The following TNNI3K variants were observed in gnomAD, a reference collection of about 807,000 sequenced individuals.
TNNI3K encodes the protein TNNI3 interacting kinase.
Under a neutral mutation model 114.5 loss-of-function variants are expected in TNNI3K, and 140 were observed. The observed-to-expected ratio is 1.22, with a 90% CI of 1.07 to 1.41. The LOEUF is 1.41. Among genes scored for constraint, TNNI3K ranks in the 40% most tolerant of loss-of-function variants. The probability of loss-of-function intolerance (pLI) is 0.00; values close to 1 mark genes in which losing one functional copy is unlikely to be tolerated. For synonymous variants in TNNI3K, 347 were observed against 347.5 expected, an observed-to-expected ratio of 1.00 and a Z score of 0.02; for missense variants, 1,125 against 1,007.6, an observed-to-expected ratio of 1.12 and a Z score of -1.58.
At chr1:74,479,168 C>T (rs552218777) in intron 21 of TNNI3K, among the ~76,000 whole-genome samples, 1 of 152,250 alleles carries the variant, frequency 6.6e-6, no homozygotes, top group East Asian at 1.9e-4. Context: ...CTCTCCCCAC[C>T]CCCTCATCAC....
chr1:74,338,095 G>A (rs1023434843), intron 7 of TNNI3K, among the ~76,000 whole-genome samples: 5 of 151,810 alleles, frequency 3.3e-5, no homozygotes, highest in East Asian at 1.9e-4. Context: ...TTGATAAATC[G>A]AAAGGTAATA....
chr1:74,264,767 T>C lies in TNNI3K; in HGVS notation c.334-6831T>C, dbSNP rs535265973. 5.9e-5 allele frequency among the ~76,000 whole-genome samples: 9 copies of C among 152,104 alleles called. No homozygotes were observed. The South Asian group carries it at 1.7e-3, about 28-fold the overall frequency. ...TGGAAGTATTTTATGACTAAACATC[T>C]CTTGGGACAGAGTGGACTAAATCAT... On this transcript the variant is annotated intron_variant, in intron 4 of 24. Coordinates refer to ENST00000326637, the MANE Select transcript of TNNI3K (RefSeq NM_015978.3).
intron 23 of TNNI3K, among the ~76,000 whole-genome samples, chr1:74,506,397 A>G (rs2100361110): frequency 6.6e-6 from 1 of 152,356 alleles, no homozygotes; most frequent in South Asian, 2.1e-4. Flanking sequence ...CAGCAGGGCC[A>G]AGATTTGAGC....
rs777732645 is a variant in TNNI3K at position 74,369,100 on chromosome 1, A to G, written c.1400A>G (p.Glu467Gly). The G allele has an allele frequency of 9.9e-6, 16 of 1,609,854 alleles. No individual in the cohort carries two copies. The African/African-American group carries it at 2.0e-4, about 20-fold the overall frequency. The change falls in exon 14 of 25, where the codon GAG becomes GGG. Residue 467 changes from glutamate (E) to glycine (G), a missense_variant. Physicochemically the swap from Glu to Gly is moderately conservative, Grantham distance 98 (BLOSUM62 -2). Transcript: ENST00000326637. ...HLQLSEIEFH[E>G]IIGSGSFGKV... ...CAGCTCTCAGAAATTGAGTTCCATG[A>G]GATTATTGGCTCAGGTAACCTAAAA...
At chr1:74,355,785 T>A (rs1661622513) in intron 11 of TNNI3K, among the ~76,000 whole-genome samples, 1 of 151,880 alleles carries the variant, frequency 6.6e-6, no homozygotes, top group Non-Finnish European at 1.5e-5. Context: ...AGTAGAAAAA[T>A]GATGTGGGAG....
chr1:74,428,684 C>G (rs1665750041), intron 17 of TNNI3K, among the ~76,000 whole-genome samples: 3 of 152,066 alleles, frequency 2.0e-5, no homozygotes, highest in Non-Finnish European at 4.4e-5. Context: ...CCTGTAATCC[C>G]AGTGCTCTGA....
intron 5 of TNNI3K, among the ~76,000 whole-genome samples, chr1:74,328,643 C>A (rs1030511195): frequency 6.6e-6 from 1 of 152,222 alleles, no homozygotes; most frequent in South Asian, 2.1e-4. Flanking sequence ...CATTTTGACA[C>A]TTTCTCAGAA....
chr1:74,350,562 G>A (rs1160482936), intron 9 of TNNI3K, among the ~76,000 whole-genome samples: 2 of 152,064 alleles, frequency 1.3e-5, no homozygotes, highest in Admixed American at 6.5e-5. Context: ...AATGTTGAGT[G>A]GGGTGTTAAA....
chr1:74,266,284 T>C (rs112896784), intron 4 of TNNI3K, among the ~76,000 whole-genome samples: 2 of 152,146 alleles, frequency 1.3e-5, no homozygotes, highest in African/African-American at 2.4e-5. Flanking sequence ...AGAGCCTTCA[T>C]GTGCGATGTA....
At chr1:74,517,833 T>C (rs1646371025) in intron 23 of TNNI3K, among the ~76,000 whole-genome samples, 2 of 152,190 alleles carry the variant, frequency 1.3e-5, no homozygotes, top group African/African-American at 4.8e-5. Context: ...CAAAAACTGC[T>C]GGGCCCACTA....
chr1:74,436,541 G>C lies in TNNI3K; in HGVS notation c.1878+15G>C. 1.3e-6 allele frequency: 2 copies of C among 1,581,750 alleles called. No homozygotes were observed. Among genetic ancestry groups the C allele is most frequent in the Non-Finnish European group, 1.7e-6 (2 of 1,171,046 alleles). On this transcript the variant is annotated intron_variant, in intron 19 of 24. Transcript: ENST00000326637. ...AACAACCTGGGGTTTGCTGCTGCTT[G>C]TGTTTCCTATAATTATAAACCAATT...
intron 5 of TNNI3K, among the ~76,000 whole-genome samples, chr1:74,280,404 A>G (rs1656943299): frequency 6.6e-6 from 1 of 152,004 alleles, no homozygotes; most frequent in South Asian, 2.1e-4. Flanking sequence ...AAATAAAATA[A>G]AAAAGGAAAG....
chr1:74,298,606 G>T (rs1265450825), intron 5 of TNNI3K, among the ~76,000 whole-genome samples: 1 of 152,182 alleles, frequency 6.6e-6, no homozygotes, highest in East Asian at 1.9e-4. Context: ...ATCTTCTGCT[G>T]TAGGTTTTTC....
intron 17 of TNNI3K, chr1:74,371,349 G>A (rs1425954514): frequency 6.6e-6 from 1 of 151,750 alleles, no homozygotes; most frequent in Non-Finnish European, 1.5e-5. Flanking sequence ...TACATTCAGG[G>A]AGTTTTCACA....
intron 21 of TNNI3K, among the ~76,000 whole-genome samples, chr1:74,486,626 T>C (rs940018612): frequency 1.3e-5 from 2 of 151,724 alleles, no homozygotes; most frequent in African/African-American, 4.8e-5. Flanking sequence ...AGTACTGGGC[T>C]AGAGATAATA....
intron 9 of TNNI3K, 143 bp downstream of exon 9, chr1:74,343,322 C>A: frequency 2.2e-6 from 2 of 911,498 alleles, no homozygotes; most frequent in Non-Finnish European, 3.4e-6. Context: ...GGACAAAGAG[C>A]CAGAGCTAGA....
chr1:74,415,347 C>A (rs1665066934), intron 17 of TNNI3K, among the ~76,000 whole-genome samples: 1 of 152,028 alleles, frequency 6.6e-6, no homozygotes, highest in African/African-American at 2.4e-5. Flanking sequence ...ATCTCTCTGA[C>A]CCATCATTCA....
chr1:74,282,389 T>C (rs937002875), intron 5 of TNNI3K, among the ~76,000 whole-genome samples: 1 of 152,036 alleles, frequency 6.6e-6, no homozygotes, highest in African/African-American at 2.4e-5. Context: ...CTCTGAGGCC[T>C]CTCTCCTTGG....
intron 20 of TNNI3K, among the ~76,000 whole-genome samples, chr1:74,441,751 G>C (rs1342565976): frequency 6.6e-6 from 1 of 151,994 alleles, no homozygotes; most frequent in Non-Finnish European, 1.5e-5. Context: ...TAGAAATATT[G>C]ACACTTTATG....
Sources: allele counts gnomAD v4.1 joint callset (sites outside exome capture counted in the v4.1 genomes callset), GRCh38; gene constraint gnomAD v4.1.1; transcripts MANE v1.5; gene names NCBI Gene and HGNC (gene_info 2026-07-23, HGNC 2026-07-21).